USP49: variants seen among roughly 807,000 people sequenced by gnomAD.
USP49 encodes the protein ubiquitin specific peptidase 49, also known as ubiquitin carboxyl-terminal hydrolase 49.
USP49 carries 24 observed loss-of-function variants against 58.6 expected under a neutral mutation model. That is an observed-to-expected ratio of 0.41 (90% CI 0.30 to 0.58). The LOEUF (loss-of-function observed/expected upper bound fraction) is 0.58. USP49 is among the 20% of genes least tolerant of loss of function. The pLI is 0.30. For synonymous variants in USP49, 408 were observed against 365.1 expected (o/e 1.12, Z -1.34); for missense variants, 703 against 866.1 (o/e 0.81, Z 2.36).
At chr6:41,833,886 C>T (rs1582010293) in intron 3 of USP49, among the ~76,000 whole-genome samples, 2 of 152,316 alleles carry the variant, frequency 1.3e-5, no homozygotes, top group East Asian at 3.9e-4. Flanking sequence ...AGTTTATCTA[C>T]GAAGCTGTTG....
Position 41,799,910 on chromosome 6 carries a change from G to A in USP49, c.1590C>T (p.Pro530=). 6.2e-7 allele frequency: 1 copy of A among 1,614,108 alleles called. No homozygotes were observed. Among genetic ancestry groups the A allele is most frequent in the Admixed American group, 1.7e-5 (1 of 60,012 alleles). The change falls in exon 6 of 8, where the codon CCC becomes CCT. Residue 530 remains proline, a synonymous_variant. Transcript: ENST00000682992. ...NSKRRKSNPK[P]LVLSEARKQL... ...GCTTTCTAGCTTCACTCAGAACAAG[G>A]GGTTTGGGATTGGATTTTCGTCGTT...
chr6:41,886,170 T>C (rs1242536828), intron 2 of USP49, among the ~76,000 whole-genome samples: 2 of 152,230 alleles, frequency 1.3e-5, no homozygotes, highest in African/African-American at 2.4e-5. Flanking sequence ...AATCAGTGTA[T>C]AGCCATAAGC....
At chr6:41,809,499 T>C (rs181563219) in intron 3 of USP49, among the ~76,000 whole-genome samples, 84 of 151,878 alleles carry the variant, frequency 5.5e-4, no homozygotes, top group South Asian at 2.9e-3. Context: ...CATTCCAGCC[T>C]GGAGGACAGA....
chr6:41,870,513 A>G (rs1774395004), intron 3 of USP49, among the ~76,000 whole-genome samples: 2 of 152,070 alleles, frequency 1.3e-5, no homozygotes, highest in Admixed American at 6.6e-5. Flanking sequence ...TCATAAACTT[A>G]AAGTCAAACC....
intron 5 of USP49, among the ~76,000 whole-genome samples, chr6:41,802,470 T>A (rs1291887346): frequency 5.5e-4 from 47 of 85,596 alleles, no homozygotes; most frequent in African/African-American, 1.8e-3. Flanking sequence ...ATTTATTTAT[T>A]TTTTATTTAT....
intron 3 of USP49, among the ~76,000 whole-genome samples, chr6:41,824,889 T>C (rs1056220399): frequency 6.6e-6 from 1 of 152,200 alleles, no homozygotes; most frequent in Non-Finnish European, 1.5e-5. Context: ...TTCTTTCAAA[T>C]AAGGCATAGA....
chr6:41,851,557 T>A (rs1774028411), intron 3 of USP49, among the ~76,000 whole-genome samples: 1 of 152,172 alleles, frequency 6.6e-6, no homozygotes, highest in African/African-American at 2.4e-5. Flanking sequence ...TAAAAGCCTT[T>A]TCTCTAAGAC....
chr6:41,866,495 G>T (rs185725326), intron 3 of USP49, among the ~76,000 whole-genome samples: 1 of 152,282 alleles, frequency 6.6e-6, no homozygotes. Context: ...GAACATGAAA[G>T]GGCCTGTCCA....
chr6:41,807,648 G>T (rs1338326139), intron 3 of USP49, among the ~76,000 whole-genome samples: 1 of 151,844 alleles, frequency 6.6e-6, no homozygotes, highest in Non-Finnish European at 1.5e-5. Flanking sequence ...CAACATGTTG[G>T]CCAGGTTGGT....
intron 3 of USP49, among the ~76,000 whole-genome samples, chr6:41,861,054 G>A (rs1469383624): frequency 1.3e-5 from 2 of 151,216 alleles, no homozygotes; most frequent in African/African-American, 2.4e-5. Context: ...GCTTGAACCA[G>A]GAGGTGGAGG....
chr6:41,838,931 C>T (rs967663833), intron 3 of USP49, among the ~76,000 whole-genome samples: 53 of 152,152 alleles, frequency 3.5e-4, no homozygotes, highest in South Asian at 2.1e-4. Context: ...AAGGAACGCT[C>T]GAAACTATGG....
At chr6:41,814,591 A>G (rs1773316268) in intron 3 of USP49, among the ~76,000 whole-genome samples, 1 of 152,224 alleles carries the variant, frequency 6.6e-6, no homozygotes, top group Non-Finnish European at 1.5e-5. Flanking sequence ...CTACATCATC[A>G]GAAATAAAAT....
At chr6:41,892,896 A>G (rs1774833561) in intron 1 of USP49, among the ~76,000 whole-genome samples, 1 of 152,230 alleles carries the variant, frequency 6.6e-6, no homozygotes, top group Non-Finnish European at 1.5e-5. Flanking sequence ...ATTCATTCAT[A>G]TTCTTAGCTA....
At chr6:41,797,473 G>A (rs1772907056) in intron 7 of USP49, among the ~76,000 whole-genome samples, 1 of 152,206 alleles carries the variant, frequency 6.6e-6, no homozygotes, top group African/African-American at 2.4e-5. Flanking sequence ...CCCAAGGGCT[G>A]TGCAGTTCAA....
chr6:41,793,922 C>A lies in USP49; in HGVS notation c.*2611G>T, dbSNP rs1039171220. 9 of 152,278 alleles carry A rather than the reference C, an allele frequency of 5.9e-5. No homozygotes were observed. In the East Asian group the frequency reaches 1.2e-3, roughly 20 times the overall value. 9.4% of individuals were successfully genotyped at this position (152,278 alleles called of 1,614,324 possible). ...GGCCCATTAAGGTTCGGTTAGGAGACCTTGGGTTTGATTTGGCAGCATCTA... is the reference window on the plus strand; with the variant it reads ...GGCCCATTAAGGTTCGGTTAGGAGAACTTGGGTTTGATTTGGCAGCATCTA... On this transcript the variant is annotated 3_prime_UTR_variant, in exon 8 of 8. Coordinates refer to ENST00000682992, the MANE Select transcript of USP49 (RefSeq NM_001286554.2).
Position 41,794,586 on chromosome 6 carries a change from T to C in USP49, c.*1947A>G, listed in dbSNP as rs899211337. 6.6e-6 allele frequency: 1 copy of C among 152,204 alleles called. No homozygotes were observed. The highest frequency in any genetic ancestry group is 2.4e-5 in the African/African-American group (1 of 41,456). The allele number at this position is 152,204 out of a possible 1,614,324, so 9.4% of individuals were successfully genotyped here. A position where few individuals can be genotyped will look rare whatever the true frequency, so the allele number is the denominator to read the frequency against. On this transcript the variant is annotated 3_prime_UTR_variant, in exon 8 of 8. Transcript: ENST00000682992. ...GCTTTTCTATTGCCACAAAAAGTCA[T>C]TACTAATCATGCCGACTTAAAAACG...
At chr6:41,849,851 C>T (rs927903646) in intron 3 of USP49, among the ~76,000 whole-genome samples, 7 of 151,978 alleles carry the variant, frequency 4.6e-5, no homozygotes, top group African/African-American at 9.7e-5. Context: ...CATGATCCAC[C>T]GCTTCGACCT....
At chr6:41,871,854 C>A (rs1278105035) in intron 2 of USP49, among the ~76,000 whole-genome samples, 1 of 152,082 alleles carries the variant, frequency 6.6e-6, no homozygotes, top group Non-Finnish European at 1.5e-5. Context: ...GTAGACTGAT[C>A]TACAAATGGA....
chr6:41,831,462 C>A (rs1191666841), intron 3 of USP49, among the ~76,000 whole-genome samples: 2 of 151,616 alleles, frequency 1.3e-5, no homozygotes, highest in Non-Finnish European at 2.9e-5. Flanking sequence ...CACCTGTAAT[C>A]CCAGCTACTC....
Sources: allele counts gnomAD v4.1 joint callset (sites outside exome capture counted in the v4.1 genomes callset), GRCh38; gene constraint gnomAD v4.1.1; transcripts MANE v1.5; gene names NCBI Gene and HGNC (gene_info 2026-07-23, HGNC 2026-07-21).